Variants in ADAMTSL1 observed in about 807,000 individuals in gnomAD.
ADAMTSL1 encodes ADAMTS-like protein 1.
ADAMTSL1 carries 126 observed loss-of-function variants against 201.8 expected under a neutral mutation model. The observed-to-expected ratio is 0.62, with a 90% confidence interval of 0.54 to 0.72. ADAMTSL1 has a LOEUF of 0.72. ADAMTSL1 is among the 30% of genes least tolerant of loss of function. The pLI is 0.00. For synonymous variants in ADAMTSL1, 1,121 were observed against 903.4 expected (o/e 1.24, Z -4.32); for missense variants, 2,679 against 2,277.8 (o/e 1.18, Z -3.59).
In ADAMTSL1 at chr9:18,366,627, A is replaced by ATTTTTT. The variant is rs772034324; in HGVS notation, c.208-138167_208-138162dup. On this transcript the variant is annotated intron_variant, in intron 2 of 29. Transcript: ENST00000680146. Reference sequence around the variant, plus strand: ...ATGGATAGTGCCTCTGAAATCACTAATTTTTTTTTTTTTTTTTTTTTTTTT... The same window carrying ATTTTTT: ...ATGGATAGTGCCTCTGAAATCACTAATTTTTTTTTTTTTTTTTTTTTTTTTTTTTTT... Among the ~76,000 whole-genome samples the ATTTTTT allele has an allele frequency of 5.6e-4, 63 of 112,828 alleles. 5 individuals are homozygous for ATTTTTT. The highest frequency in any genetic ancestry group is 1.9e-3 in the African/African-American group (56 of 29,088). 74.0% of individuals were successfully genotyped at this position (112,828 alleles called of 152,430 possible).
chr9:18,269,175 A>G (rs1358435655), intron 2 of ADAMTSL1, among the ~76,000 whole-genome samples: 7 of 152,148 alleles, frequency 4.6e-5, no homozygotes, highest in Admixed American at 4.6e-4. Flanking sequence ...AATGTGATAT[A>G]TTATGCTCAA....
chr9:18,855,387 T>C (rs1375927036), intron 23 of ADAMTSL1, among the ~76,000 whole-genome samples: 1 of 152,178 alleles, frequency 6.6e-6, no homozygotes, highest in East Asian at 1.9e-4. Flanking sequence ...TTGCTCTTTT[T>C]GAAAAATTGT....
chr9:18,044,984 A>T (rs537531873), intron 1 of ADAMTSL1, among the ~76,000 whole-genome samples: 4 of 152,270 alleles, frequency 2.6e-5, no homozygotes, highest in East Asian at 3.9e-4. Context: ...TTGATTTTAA[A>T]TGTAAACCAG....
intron 1 of ADAMTSL1, among the ~76,000 whole-genome samples, chr9:18,142,781 C>T (rs907992471): frequency 3.3e-5 from 5 of 152,058 alleles, no homozygotes; most frequent in Non-Finnish European, 7.4e-5. Flanking sequence ...GTGACCCAGG[C>T]CATATGTATG....
At chr9:18,059,604 A>G (rs1305628905) in intron 1 of ADAMTSL1, among the ~76,000 whole-genome samples, 2 of 152,180 alleles carry the variant, frequency 1.3e-5, no homozygotes, top group Non-Finnish European at 2.9e-5. Flanking sequence ...TTATACACAC[A>G]TTATCACTTG....
At chr9:18,840,277 A>T (rs1191837183) in intron 23 of ADAMTSL1, among the ~76,000 whole-genome samples, 4 of 152,094 alleles carry the variant, frequency 2.6e-5, no homozygotes, top group African/African-American at 9.7e-5. Context: ...TCCCAGCACC[A>T]TTTATTAAAT....
intron 2 of ADAMTSL1, among the ~76,000 whole-genome samples, chr9:18,525,506 G>A (rs1055701652): frequency 1.3e-5 from 2 of 151,968 alleles, no homozygotes; most frequent in Non-Finnish European, 2.9e-5. Context: ...GTTTGCTCTT[G>A]CTTCTCTAGT....
At chr9:18,431,078 G>A (rs1819468207) in intron 2 of ADAMTSL1, among the ~76,000 whole-genome samples, 1 of 152,130 alleles carries the variant, frequency 6.6e-6, no homozygotes, top group Non-Finnish European at 1.5e-5. Flanking sequence ...ATGGTTACAT[G>A]CCCTCTACTA....
intron 1 of ADAMTSL1, among the ~76,000 whole-genome samples, chr9:18,484,480 T>C (rs1419095425): frequency 6.6e-6 from 1 of 152,230 alleles, no homozygotes; most frequent in Non-Finnish European, 1.5e-5. Context: ...CCTGAAATCC[T>C]CTTTTTTAGG....
chr9:18,622,139 C>A (rs1007789619), intron 4 of ADAMTSL1, 104 bp from the exon 5 acceptor site: 2 of 1,446,954 alleles, frequency 1.4e-6, no homozygotes, highest in African/African-American at 1.4e-5. Flanking sequence ...ATGTTTTAGG[C>A]CCCTCAGGGA....
In ADAMTSL1 at chr9:17,947,575, G is replaced by A. The variant is rs147328095; in HGVS notation, c.87+40653G>A. On this transcript the variant is annotated intron_variant, in intron 1 of 29. Coordinates refer to the ADAMTSL1 transcript ENST00000680146. The stretch of plus-strand genomic sequence containing the variant: ...TTTTTAAACTGAATTTGCAATTGCA[G>A]TTGCAATTGCAATATTGTCCGCCAC... Among the ~76,000 whole-genome samples, 55 of 152,174 alleles carry A rather than the reference G, an allele frequency of 3.6e-4. No homozygotes were observed. The East Asian group carries it at 9.8e-3, about 27-fold the overall frequency.
chr9:17,925,882 G>A (rs541776776), intron 1 of ADAMTSL1, among the ~76,000 whole-genome samples: 1 of 150,692 alleles, frequency 6.6e-6, no homozygotes, highest in Non-Finnish European at 1.5e-5. Flanking sequence ...ACCATCCAAA[G>A]CATCCAGCAA....
intron 1 of ADAMTSL1, among the ~76,000 whole-genome samples, chr9:18,042,203 A>G (rs542160374): frequency 6.6e-6 from 1 of 152,168 alleles, no homozygotes; most frequent in Non-Finnish European, 1.5e-5. Flanking sequence ...TGTACAAATT[A>G]TGAAGCATAG....
intron 15 of ADAMTSL1, among the ~76,000 whole-genome samples, chr9:18,751,037 AC>A (rs1272646574): frequency 3.3e-5 from 5 of 152,156 alleles, no homozygotes; most frequent in Non-Finnish European, 5.9e-5. Flanking sequence ...ACATAGCATC[AC>A]TTCTGCCTCA....
intron 7 of ADAMTSL1, among the ~76,000 whole-genome samples, chr9:18,643,682 A>G (rs947489974): frequency 6.6e-6 from 1 of 151,944 alleles, no homozygotes; most frequent in Non-Finnish European, 1.5e-5. Context: ...CAGAAAATCA[A>G]TTGGCCTTAA....
rs560030609 is a variant in ADAMTSL1, at chr9:18,276,811, C to T, written c.207+112830C>T. ...AACTCACTCATTATGGTGAGAATAGCACCAAGCTATTCATGGAAGACCCAC... is the reference window on the plus strand; with the variant it reads ...AACTCACTCATTATGGTGAGAATAGTACCAAGCTATTCATGGAAGACCCAC... On this transcript the variant is annotated intron_variant, in intron 2 of 29. Transcript: ENST00000680146. Among the ~76,000 whole-genome samples the T allele has an allele frequency of 7.9e-5, 12 of 152,266 alleles. No homozygotes were observed. In the East Asian group the frequency reaches 2.3e-3, roughly 29 times the overall value.
At chr9:18,020,713 A>G (rs1238026060) in intron 1 of ADAMTSL1, among the ~76,000 whole-genome samples, 1 of 152,052 alleles carries the variant, frequency 6.6e-6, no homozygotes, top group Admixed American at 6.6e-5. Flanking sequence ...GAGTCAAACC[A>G]TATCACCCGG....
At chr9:18,382,851 A>C (rs1439018424) in intron 2 of ADAMTSL1, among the ~76,000 whole-genome samples, 1 of 152,188 alleles carries the variant, frequency 6.6e-6, no homozygotes. Flanking sequence ...CAGCTCTGCG[A>C]GTCTGGTCCT....
intron 2 of ADAMTSL1, among the ~76,000 whole-genome samples, chr9:18,169,222 T>A (rs933000739): frequency 1.4e-4 from 22 of 151,946 alleles, no homozygotes; most frequent in African/African-American, 3.4e-4. Context: ...CTGAATGGTG[T>A]TGCCTAGGTT....
Sources: allele counts gnomAD v4.1 joint callset (sites outside exome capture counted in the v4.1 genomes callset), GRCh38; gene constraint gnomAD v4.1.1; transcripts MANE v1.5; gene names NCBI Gene and HGNC (gene_info 2026-07-23, HGNC 2026-07-21).